Variants in MUC4 observed in about 807,000 individuals in gnomAD.
The protein encoded by MUC4 is mucin 4, cell surface associated.
A neutral mutation model predicts 257.9 loss-of-function variants in MUC4; 202 were observed. The observed-to-expected ratio is 0.78, with a 90% CI of 0.70 to 0.88. MUC4 has a LOEUF of 0.88. MUC4 is among the 40% of genes least tolerant of loss of function. MUC4 has a pLI of 0.00. For missense variants in MUC4, 5,976 were observed against 6,513.7 expected (o/e 0.92, Z 2.84); for synonymous variants, 2,351 against 2,757.1 (o/e 0.85, Z 4.62).
At position 195,786,911 on chromosome 3, in the gene MUC4, C is replaced by G. The variant is rs770743992; in HGVS notation, c.4669G>C (p.Asp1557His). The change falls in exon 2 of 25, where the codon GAC becomes CAC. Residue 1557 changes from aspartate to histidine, a missense_variant. Physicochemically the swap from Asp to His is moderately conservative, Grantham distance 81. Transcript: ENST00000463781. ...TGDTTPLPVTDASSVSTGHTT... is the reference protein window; with the variant it reads ...TGDTTPLPVTHASSVSTGHTT... ...TGACCTGTGGATACTGAGGAAGCGTCGGTGACAGGAAGAGGGGTGGTGTCA... is the reference window on the plus strand; with the variant it reads ...TGACCTGTGGATACTGAGGAAGCGTGGGTGACAGGAAGAGGGGTGGTGTCA... The G allele has an allele frequency of 7.2e-7, 1 of 1,387,008 alleles. No homozygotes were observed. Among genetic ancestry groups the G allele is most frequent in the East Asian group, 2.9e-5 (1 of 34,842 alleles). 85.9% of individuals were successfully genotyped at this position (1,387,008 alleles called of 1,614,324 possible). A position where few individuals can be genotyped will look rare whatever the true frequency, so the allele number is the denominator to read the frequency against.
rs62282464 is a variant in MUC4 at position 195,777,884 on chromosome 3, C to G, written c.12943+419G>C. On this transcript the variant is annotated intron_variant, in intron 3 of 24. Transcript: ENST00000463781. The stretch of plus-strand genomic sequence containing the variant: ...ACCTTCCACACCCATACCTTCCACA[C>G]CCATACCTTCCACAGCCATACCTTC... Among the ~76,000 whole-genome samples the G allele has an allele frequency of 7.5e-4, 39 of 51,884 alleles. 6 individuals are homozygous for G. The highest frequency in any genetic ancestry group is 8.4e-4 in the Non-Finnish European group (17 of 20,216). 34.0% of individuals were successfully genotyped at this position (51,884 alleles called of 152,430 possible).
In MUC4 at chr3:195,784,508, C is replaced by A. The variant is rs528462079; in HGVS notation, c.7072G>T (p.Ala2358Ser). The A allele has an allele frequency of 2.3e-5, 18 of 778,810 alleles. 2 individuals carry two copies. In the African/African-American group the frequency reaches 7.9e-4, roughly 34 times the overall value. The allele number at this position is 778,810 out of a possible 1,614,324, so 48.2% of individuals were successfully genotyped here. Residue 2358 changes from alanine (A) to serine (S), a missense_variant, in exon 2 of 25, where the codon GCT becomes TCT. By Grantham distance (99) the Ala-to-Ser change is moderately conservative (BLOSUM62 1). Coordinates refer to ENST00000463781, the MANE Select transcript of MUC4 (RefSeq NM_018406.7). ...GTGTCACCTGTGGATACTGAGGAAG[C>A]GTCGGTGACATGAAGAGGGGTGGCG... ...GHATPLHVTD[A>S]SSVSTGDTTP...
At position 195,781,231 on chromosome 3, in the gene MUC4, G is replaced by C. The variant is rs1210316287; in HGVS notation, c.10349C>G (p.Ser3450Cys). 36 of 1,406,036 alleles carry C rather than the reference G, an allele frequency of 2.6e-5. 2 individuals carry two copies. Among genetic ancestry groups the C allele is most frequent in the Non-Finnish European group, 3.3e-5 (35 of 1,053,120 alleles). The allele number at this position is 1,406,036 out of a possible 1,614,324, so 87.1% of individuals were successfully genotyped here. A position where few individuals can be genotyped will look rare whatever the true frequency, so the allele number is the denominator to read the frequency against. The change falls in exon 2 of 25, where the codon TCT (serine) becomes TGT (cysteine). Residue 3450 changes from serine to cysteine, a missense_variant. Physicochemically the swap from Ser to Cys is moderately radical, Grantham distance 112 (BLOSUM62 -1). Around this residue, in one of 44 missense-constraint regions of MUC4, gnomAD observed 297 missense variants for 240.9 expected, o/e 1.23. Coordinates refer to ENST00000463781, the MANE Select transcript of MUC4 (RefSeq NM_018406.7). ...PVPVTSTSSA[S>C]TGHTTPLPVT... ...AGGAAGAGGGGTGGTGTGACCTGTA[G>C]ATGCTGAGGAAGTGCTGGTGACAGG...
At chr3:195,797,328 T>C (rs1734696731) in intron 1 of MUC4, among the ~76,000 whole-genome samples, 1 of 151,860 alleles carries the variant, frequency 6.6e-6, no homozygotes, top group African/African-American at 2.4e-5. Flanking sequence ...TGAGTTTAAA[T>C]CAGAAATGCA....
In MUC4 at chr3:195,789,298, C is replaced by T. The variant is rs373896130; in HGVS notation, c.2282G>A (p.Ser761Asn). The T allele has an allele frequency of 6.3e-5, 102 of 1,613,864 alleles. No homozygotes were observed. In the African/African-American group the frequency reaches 1.3e-3, roughly 20 times the overall value. ...GGCTGCTGCTGTGTCAGGTGAGGTG[C>T]TGGCAGAGGCTGATGTCCATTGTCC... Reference protein sequence around the residue: ...PEGQWTSASASTSPDTAAAMT... With the variant: ...PEGQWTSASANTSPDTAAAMT... Residue 761 changes from serine to asparagine, a missense_variant, in exon 2 of 25, where the codon AGC becomes AAC. Physicochemically the swap from Ser to Asn is conservative, Grantham distance 46. Transcript: ENST00000463781.
chr3:195,782,496 G>T lies in MUC4; in HGVS notation c.9084C>A (p.Thr3028=), dbSNP rs755019726. The T allele has an allele frequency of 5.8e-6, 8 of 1,379,872 alleles. No homozygotes were observed. The highest frequency in any genetic ancestry group is 9.7e-7 in the Non-Finnish European group (1 of 1,026,850). 85.5% of individuals were successfully genotyped at this position (1,379,872 alleles called of 1,614,324 possible). ...STGHATPLHV[T]SPSSASTGHA... ...GACCGGTGGATGCTGAGGAAGGGCT[G>T]GTGACATGAAGAGGGGTGGCGTGAC... Residue 3028 remains threonine (T), a synonymous_variant, in exon 2 of 25, where the codon ACC becomes ACA. Coordinates refer to ENST00000463781, the MANE Select transcript of MUC4 (RefSeq NM_018406.7).
rs1560222267 is a variant in MUC4 at position 195,753,183 on chromosome 3, A to G, written c.15376T>C (p.Tyr5126His). Residue 5126 changes from tyrosine (Y) to histidine (H), a missense_variant, in exon 20 of 25, where the codon TAC becomes CAC. By Grantham distance (83) the Tyr-to-His change is moderately conservative. Transcript: ENST00000463781. The part of the protein sequence containing the change: ...LCQNQSCPVN[Y>H]CYNQGHCYIS... ...TAGCAGTGGCCTTGATTGTAGCAGT[A>G]ATTCACAGGGCAGGACTGGTTCTGA... 3.1e-6 allele frequency: 5 copies of G among 1,613,872 alleles called. No individual in the cohort carries two copies. Among genetic ancestry groups the G allele is most frequent in the Non-Finnish European group, 4.2e-6 (5 of 1,179,876 alleles).
At chr3:195,747,726 T>G (rs1715344237) in intron 24 of MUC4, among the ~76,000 whole-genome samples, 1 of 152,258 alleles carries the variant, frequency 6.6e-6, no homozygotes, top group Non-Finnish European at 1.5e-5. Context: ...TAGCCAGGCG[T>G]GGTGGTGCGC....
At chr3:195,806,151 A>C (rs1451882049) in intron 1 of MUC4, among the ~76,000 whole-genome samples, 4 of 152,172 alleles carry the variant, frequency 2.6e-5, no homozygotes, top group Non-Finnish European at 4.4e-5. Flanking sequence ...TAAAATTCAT[A>C]ATCTATTCCA....
At position 195,790,086 on chromosome 3, in the gene MUC4, T is replaced by G; in HGVS notation, c.1494A>C (p.Thr498=). The stretch of plus-strand genomic sequence containing the variant: ...AGGGCAGTTCTGTTTGTGACCAAGT[T>G]GTGTGGCCTTTGCTGGAGAATGAGG... ...WPSSFSSKGH[T]TWSQTELPST... The change falls in exon 2 of 25, where the codon ACA becomes ACC. Residue 498 remains threonine, a synonymous_variant. Coordinates refer to ENST00000463781, the MANE Select transcript of MUC4 (RefSeq NM_018406.7). The G allele has an allele frequency of 6.2e-7, 1 of 1,614,044 alleles. No individual in the cohort carries two copies. The highest frequency in any genetic ancestry group is 8.5e-7 in the Non-Finnish European group (1 of 1,179,898).
In MUC4 at chr3:195,769,117, C is replaced by T. The variant is rs757551585; in HGVS notation, c.13434G>A (p.Gly4478=). The T allele has an allele frequency of 6.2e-7, 1 of 1,614,166 alleles. No individual in the cohort carries two copies. The highest frequency in any genetic ancestry group is 1.7e-5 in the Admixed American group (1 of 60,022). The change falls in exon 7 of 25, where the codon GGG becomes GGA. Residue 4478 remains glycine (G), a synonymous_variant. Coordinates refer to ENST00000463781, the MANE Select transcript of MUC4 (RefSeq NM_018406.7). ...AGAGAAACAGGGCATAGGACCTGCT[C>T]CCGTCCGTGGAGAGGATGGCTTGGT... ...NTYQAILSTD[G]SRSYALFLYQ... is the part of the protein sequence containing the mutation.
chr3:195,767,729 A>G (rs892444446), intron 7 of MUC4, among the ~76,000 whole-genome samples: 1 of 1,106 alleles, frequency 9.0e-4, no homozygotes, highest in Non-Finnish European at 2.2e-3. Context: ...CACCACCATC[A>G]CCACCACCAT....
At chr3:195,767,803 CAT>C (rs1721629504) in intron 7 of MUC4, among the ~76,000 whole-genome samples, 1 of 125,064 alleles carries the variant, frequency 8.0e-6, no homozygotes, top group Non-Finnish European at 1.7e-5. Flanking sequence ...CCACCACCAT[CAT>C]CACCACCATC....
At chr3:195,806,733 A>T (rs770277214) in intron 1 of MUC4, among the ~76,000 whole-genome samples, 8 of 152,098 alleles carry the variant, frequency 5.3e-5, no homozygotes, top group Non-Finnish European at 1.2e-4. Context: ...GAGTCAGGAG[A>T]CCTGGGTTCT....
rs1228484827 is a variant in MUC4, at chr3:195,752,353, G to A, written c.15582+20C>T. The stretch of plus-strand genomic sequence containing the variant: ...CGCCAAGCGCCCCCTCCCACCCAGA[G>A]CGCGGCCTGCAGCACTGACCGAGGC... On this transcript the variant is annotated intron_variant, in intron 21 of 24. Transcript: ENST00000463781. 1 of 1,603,858 alleles carries A rather than the reference G, an allele frequency of 6.2e-7. No individual in the cohort carries two copies. Among genetic ancestry groups the A allele is most frequent in the Admixed American group, 1.7e-5 (1 of 60,022 alleles).
In MUC4 at chr3:195,786,254, G is replaced by A. The variant is rs777096042; in HGVS notation, c.5326C>T (p.Pro1776Ser). The change falls in exon 2 of 25, where the codon CCA becomes TCA. Residue 1776 changes from proline (P) to serine (S), a missense_variant. This residue lies in a region of MUC4 where 19 missense variants were observed against 31.6 expected (regional missense o/e 0.60). Coordinates refer to ENST00000463781, the MANE Select transcript of MUC4 (RefSeq NM_018406.7). The stretch of plus-strand genomic sequence containing the variant: ...GAAGAAAGGCCGGTGACAGGAAGTG[G>A]GGTGGCGTGAGCTGTGGATACTGAG... ...TSSVSTAHAT[P>S]LPVTGLSSAS... 6.8e-7 allele frequency: 1 copy of A among 1,479,368 alleles called. No homozygotes were observed. The highest frequency in any genetic ancestry group is 9.1e-7 in the Non-Finnish European group (1 of 1,096,266). The allele number at this position is 1,479,368 out of a possible 1,614,324, so 91.6% of individuals were successfully genotyped here. A position where few individuals can be genotyped will look rare whatever the true frequency, so the allele number is the denominator to read the frequency against.
chr3:195,771,899 G>C (rs115111141), intron 4 of MUC4, 83 bp from the exon 5 acceptor site: 1 of 1,473,108 alleles, frequency 6.8e-7, no homozygotes, highest in Admixed American at 1.8e-5. Flanking sequence ...CCTCAAAAGC[G>C]TGACCCCCAA....
chr3:195,752,498 AC>A (rs781264232), intron 20 of MUC4, 52 bp from the exon 21 acceptor site: 3 of 1,534,482 alleles, frequency 2.0e-6, no homozygotes, highest in Non-Finnish European at 2.7e-6. Flanking sequence ...ACCCAGACTT[AC>A]CCAAAAAGTC....
rs1716285145 is a variant in MUC4 at position 195,750,944 on chromosome 3, C to T, written c.15816G>A (p.Arg5272=). 2 of 1,614,084 alleles carry T rather than the reference C, an allele frequency of 1.2e-6. No homozygotes were observed. The highest frequency in any genetic ancestry group is 1.7e-6 in the Non-Finnish European group (2 of 1,180,028). The change falls in exon 23 of 25, where the codon AGG becomes AGA. Residue 5272 remains arginine (R), a synonymous_variant. Transcript: ENST00000463781. The part of the protein sequence containing the change: ...YHVPRRSEEP[R]NDVVFQPISG... ...AGATGGGCTGGAAGACCACGTCGTT[C>T]CTGGGCTCCTCACTCCTCCGTGGAA...
Sources: allele counts gnomAD v4.1 joint callset (sites outside exome capture counted in the v4.1 genomes callset), GRCh38; gene constraint gnomAD v4.1.1; regional missense constraint gnomAD v4.1.1; transcripts MANE v1.5; gene names NCBI Gene and HGNC (gene_info 2026-07-23, HGNC 2026-07-21).